The following SGPL1 variants were observed in gnomAD, a reference collection of about 807,000 sequenced individuals.
SGPL1 encodes sphingosine-1-phosphate lyase 1.
In SGPL1, 37 loss-of-function variants were observed where a neutral mutation model predicts 68.9. The ratio of observed to expected loss-of-function variants is 0.54; its 90% CI spans 0.41 to 0.71. The LOEUF (loss-of-function observed/expected upper bound fraction) is 0.71. Among genes scored for constraint, SGPL1 ranks in the 30% least tolerant of loss-of-function variants. SGPL1 has a pLI of 0.00. For synonymous variants in SGPL1, 236 were observed against 248.5 expected, an observed-to-expected ratio of 0.95 and a Z score of 0.47; for missense variants, 551 against 704.6, an observed-to-expected ratio of 0.78 and a Z score of 2.47.
chr10:70,876,805 C>A, intron 14 of SGPL1, 144 bp downstream of exon 14: 1 of 746,572 alleles, frequency 1.3e-6, no homozygotes, highest in Non-Finnish European at 2.2e-6. Context: ...AGCTGATGAT[C>A]TCTGCATCAC....
At chr10:70,832,784 T>TA (rs1224897451) in intron 2 of SGPL1, among the ~76,000 whole-genome samples, 1 of 152,198 alleles carries the variant, frequency 6.6e-6, no homozygotes, top group African/African-American at 2.4e-5. Context: ...CCCCATATCT[T>TA]ACCTACTTGC....
intron 3 of SGPL1, among the ~76,000 whole-genome samples, chr10:70,848,370 G>T (rs1443685683): frequency 6.8e-6 from 1 of 146,612 alleles, no homozygotes; most frequent in East Asian, 2.1e-4. Flanking sequence ...AATAAAAATT[G>T]TATGTTTATG....
Position 70,859,408 on chromosome 10 carries a change from C to T in SGPL1, c.524C>T (p.Pro175Leu). The T allele has an allele frequency of 6.4e-7, 1 of 1,552,054 alleles. No homozygotes were observed. Among genetic ancestry groups the T allele is most frequent in the Admixed American group, 2.0e-5 (1 of 51,092 alleles). ...TTTGCATGGAGTAACCCCCTGCATC[C>T]AGATATCTTCCCAGGACTACGCAAG... Reference protein sequence around the residue: ...GDFAWSNPLHPDIFPGLRKIE... With the variant: ...GDFAWSNPLHLDIFPGLRKIE... The change falls in exon 7 of 15, where the codon CCA becomes CTA. Residue 175 changes from proline to leucine, a missense_variant. Coordinates refer to ENST00000373202, the MANE Select transcript of SGPL1 (RefSeq NM_003901.4).
At chr10:70,819,312 G>A (rs1414928147) in intron 2 of SGPL1, among the ~76,000 whole-genome samples, 1 of 152,186 alleles carries the variant, frequency 6.6e-6, no homozygotes, top group Non-Finnish European at 1.5e-5. Flanking sequence ...GTGGCCCTAG[G>A]CAGTCATCAC....
chr10:70,817,343 G>A (rs1193582228), intron 2 of SGPL1, among the ~76,000 whole-genome samples: 2 of 152,238 alleles, frequency 1.3e-5, no homozygotes, highest in Non-Finnish European at 2.9e-5. Flanking sequence ...TTGGATGAAT[G>A]ATCAGGATGA....
At chr10:70,841,056 C>T (rs1409502957) in intron 2 of SGPL1, among the ~76,000 whole-genome samples, 2 of 151,950 alleles carry the variant, frequency 1.3e-5, no homozygotes, top group Non-Finnish European at 2.9e-5. Flanking sequence ...CTGGTTTGAC[C>T]ACAACTTTCA....
intron 3 of SGPL1, among the ~76,000 whole-genome samples, chr10:70,847,720 A>G (rs1457704201): frequency 6.6e-6 from 1 of 152,228 alleles, no homozygotes; most frequent in Non-Finnish European, 1.5e-5. Flanking sequence ...CTTGAATTTT[A>G]GACACAGATA....
rs1846452551 is a variant in SGPL1 at position 70,879,118 on chromosome 10, T to C, written c.*1783T>C. 1.3e-5 allele frequency: 2 copies of C among 152,820 alleles called. No individual in the cohort carries two copies. The highest frequency in any genetic ancestry group is 6.5e-5 in the Admixed American group (1 of 15,284). The allele number at this position is 152,820 out of a possible 1,614,324, so 9.5% of individuals were successfully genotyped here. ...ATGGATCAGTCTTTGAGGTTTCTATTTGGGGAGGGGAGTACTTAAGATGAG... is the reference window on the plus strand; with the variant it reads ...ATGGATCAGTCTTTGAGGTTTCTATCTGGGGAGGGGAGTACTTAAGATGAG... On this transcript the variant is annotated 3_prime_UTR_variant, in exon 15 of 15. Transcript: ENST00000373202.
intron 2 of SGPL1, among the ~76,000 whole-genome samples, chr10:70,819,893 C>G (rs140220343): frequency 2.0e-5 from 3 of 152,270 alleles, no homozygotes; most frequent in African/African-American, 7.2e-5. Flanking sequence ...CCTGCCTTGG[C>G]CTCCCAAAGT....
In SGPL1 at chr10:70,877,528, C is replaced by A. The variant is rs1185605573; in HGVS notation, c.*193C>A. ...CTTTTGTGGTTTTTAATTTGAAGAC[C>A]CCAGAGAATTCCATTACATAATGAT... On this transcript the variant is annotated 3_prime_UTR_variant, in exon 15 of 15. Transcript: ENST00000373202. 1 of 527,820 alleles carries A rather than the reference C, an allele frequency of 1.9e-6. No individual in the cohort carries two copies. Among genetic ancestry groups the A allele is most frequent in the Non-Finnish European group, 3.4e-6 (1 of 296,948 alleles). The allele number at this position is 527,820 out of a possible 1,614,324, so 32.7% of individuals were successfully genotyped here.
intron 8 of SGPL1, chr10:70,869,234 C>T (rs535831782): frequency 6.6e-6 from 1 of 152,366 alleles, no homozygotes; most frequent in African/African-American, 2.4e-5. Context: ...ATACCCGTGA[C>T]CTCATTTTCT....
Position 70,868,347 on chromosome 10 carries a change from G to A in SGPL1, c.618G>A (p.Val206=). The change falls in exon 8 of 15, where the codon GTG becomes GTA. Residue 206 remains valine (V), a splice_region_variant and synonymous_variant. Coordinates refer to ENST00000373202, the MANE Select transcript of SGPL1 (RefSeq NM_003901.4). ...FNGGPDSCGC[V]TSGGTESILM... Reference sequence around the variant, plus strand: ...ATGGCATCTCTTCTTTATTATAGGTGACTTCTGGGGGAACAGAAAGCATAC... The same window carrying A: ...ATGGCATCTCTTCTTTATTATAGGTAACTTCTGGGGGAACAGAAAGCATAC... The A allele has an allele frequency of 6.2e-7, 1 of 1,607,652 alleles. No homozygotes were observed. The highest frequency in any genetic ancestry group is 1.3e-5 in the African/African-American group (1 of 74,740).
intron 3 of SGPL1, among the ~76,000 whole-genome samples, chr10:70,847,462 T>G (rs55860137): frequency 0.043 from 6,546 of 152,188 alleles, 169 homozygotes; most frequent in African/African-American, 0.068. Flanking sequence ...TTATTTTGTT[T>G]CTAAAGATAC....
Position 70,880,220 on chromosome 10 carries a change from G to A in SGPL1, c.*2885G>A, listed in dbSNP as rs929439579. 2 of 152,366 alleles carry A rather than the reference G, an allele frequency of 1.3e-5. No homozygotes were observed. The highest frequency in any genetic ancestry group is 4.8e-5 in the African/African-American group (2 of 41,448). The allele number at this position is 152,366 out of a possible 1,614,324, so 9.4% of individuals were successfully genotyped here. ...TGGTGAGAGATTGCCCCCTGGTGGT[G>A]AAACAATCGTGTGTGCCCACTGATA... is the stretch of plus-strand genomic sequence containing the variant. On this transcript the variant is annotated 3_prime_UTR_variant, in exon 15 of 15. Transcript: ENST00000373202.
intron 7 of SGPL1, among the ~76,000 whole-genome samples, chr10:70,862,352 G>GGA (rs1209094812): frequency 6.6e-6 from 1 of 152,076 alleles, no homozygotes; most frequent in Non-Finnish European, 1.5e-5. Context: ...ATGGGGACGT[G>GGA]GAGAACCTTT....
At chr10:70,875,590 T>C in intron 13 of SGPL1, 42 bp downstream of exon 13, 8 of 1,563,896 alleles carry the variant, frequency 5.1e-6, no homozygotes, top group Non-Finnish European at 7.0e-6. Context: ...TGCTCCATGA[T>C]TTTGGAAGAA....
intron 2 of SGPL1, among the ~76,000 whole-genome samples, chr10:70,832,216 C>T (rs1001165855): frequency 6.6e-6 from 1 of 152,098 alleles, no homozygotes; most frequent in South Asian, 2.1e-4. Context: ...TTGGTAATTT[C>T]GAAGATGCAC....
chr10:70,864,614 G>A (rs1366628797), intron 7 of SGPL1, among the ~76,000 whole-genome samples: 2 of 152,112 alleles, frequency 1.3e-5, no homozygotes, highest in Non-Finnish European at 2.9e-5. Context: ...TTCCTATAGT[G>A]AGAAAGTTAT....
chr10:70,859,119 G>A (rs1846008111), intron 6 of SGPL1, among the ~76,000 whole-genome samples: 1 of 152,206 alleles, frequency 6.6e-6, no homozygotes, highest in Non-Finnish European at 1.5e-5. Flanking sequence ...ACTTCCTCCT[G>A]GGTCGGTTTG....
Sources: allele counts gnomAD v4.1 joint callset (sites outside exome capture counted in the v4.1 genomes callset), GRCh38; gene constraint gnomAD v4.1.1; transcripts MANE v1.5; gene names NCBI Gene and HGNC (gene_info 2026-07-23, HGNC 2026-07-21).